The following FMN2 variants were observed in gnomAD, a reference collection of about 807,000 sequenced individuals.
The protein encoded by FMN2 is formin-2.
A neutral mutation model predicts 142.3 loss-of-function variants in FMN2; 51 were observed. The observed-to-expected ratio is 0.36, with a 90% CI of 0.29 to 0.45. The LOEUF is 0.45. Ranked by LOEUF, FMN2 falls within the 20% of genes least tolerant of loss-of-function variation. FMN2 has a pLI of 1.00. For missense variants in FMN2, 1,936 were observed against 2,122.8 expected (o/e 0.91, Z 1.73); for synonymous variants, 882 against 869.8 (o/e 1.01, Z -0.25).
chr1:240,273,347 T>G (rs1669086123), intron 7 of FMN2, among the ~76,000 whole-genome samples: 1 of 152,310 alleles, frequency 6.6e-6, no homozygotes, highest in Admixed American at 6.5e-5. Flanking sequence ...ATGAAAGAAC[T>G]GAGGCATAGA....
At chr1:240,349,064 T>G (rs1453238317) in intron 13 of FMN2, among the ~76,000 whole-genome samples, 1 of 152,138 alleles carries the variant, frequency 6.6e-6, no homozygotes, top group Non-Finnish European at 1.5e-5. Context: ...ACAGCATAGG[T>G]CCTGACTGTG....
At chr1:240,472,520 C>A in intron 17 of FMN2, 67 bp downstream of exon 17, 1 of 989,164 alleles carries the variant, frequency 1.0e-6, no homozygotes, top group Non-Finnish European at 1.5e-6. Context: ...ATAATATATA[C>A]AAACTCATAA....
intron 13 of FMN2, among the ~76,000 whole-genome samples, chr1:240,347,579 G>A (rs148561219): frequency 1.3e-5 from 2 of 152,128 alleles, no homozygotes; most frequent in African/African-American, 4.8e-5. Flanking sequence ...TAGAATCGGG[G>A]GTACATGTGC....
rs762185491 is a variant in FMN2, at chr1:240,208,277, C to A, written c.3465C>A (p.Pro1155=). ...CCAGAGTGGGCATACCCCCTCCGCC[C>A]CCACTTCCCGGAGCGGGCATACCCC... ...PLPRVGIPPP[P]PLPGAGIPPP... is the part of the protein sequence containing the mutation. The change falls in exon 5 of 18, where the codon CCC becomes CCA. Residue 1155 remains proline (P), a synonymous_variant. Transcript: ENST00000319653. 2.3e-5 allele frequency: 10 copies of A among 434,820 alleles called. 1 individual carries two copies. In the East Asian group the frequency reaches 4.9e-4, roughly 21 times the overall value. The allele number at this position is 434,820 out of a possible 1,614,324, so 26.9% of individuals were successfully genotyped here.
chr1:240,439,910 A>G (rs1026587285), intron 16 of FMN2, among the ~76,000 whole-genome samples: 12 of 152,062 alleles, frequency 7.9e-5, no homozygotes, highest in Non-Finnish European at 1.6e-4. Flanking sequence ...TTTACCTCTA[A>G]TCTAAACCTG....
At chr1:240,228,324 A>G (rs1449475217) in intron 6 of FMN2, among the ~76,000 whole-genome samples, 14 of 93,064 alleles carry the variant, frequency 1.5e-4, no homozygotes, top group African/African-American at 7.1e-4. Context: ...AAAAAAAAAA[A>G]AAAAAAAAGA....
At chr1:240,455,751 G>A (rs952656790) in intron 16 of FMN2, among the ~76,000 whole-genome samples, 2 of 152,040 alleles carry the variant, frequency 1.3e-5, no homozygotes, top group Non-Finnish European at 2.9e-5. Context: ...TGAGGAGGGT[G>A]GAGCACCTGA....
At chr1:240,172,201 T>TACACACACACACACACACAC (rs138951858) in intron 2 of FMN2, among the ~76,000 whole-genome samples, 2 of 147,128 alleles carry the variant, frequency 1.4e-5, no homozygotes, top group African/African-American at 2.6e-5. Context: ...CACATACACA[T>TACACACACACACACACACAC]ACACACACAC....
At chr1:240,327,527 A>C (rs1671211347) in intron 8 of FMN2, among the ~76,000 whole-genome samples, 1 of 152,200 alleles carries the variant, frequency 6.6e-6, no homozygotes, top group East Asian at 1.9e-4. Context: ...TTAACTTCTG[A>C]AGACGACTCA....
rs1213004708 is a variant in FMN2, at chr1:240,178,079, C to G, written c.1930+11C>G. 1 of 1,568,932 alleles carries G rather than the reference C, an allele frequency of 6.4e-7. No homozygotes were observed. The highest frequency in any genetic ancestry group is 2.3e-5 in the East Asian group (1 of 44,036). ...AGGATGCTGAAACAGGTAACCCTTT[C>G]CTTTGTCTTCAGAGATAACTGGAAG... On this transcript the variant is annotated intron_variant, in intron 3 of 17. Transcript: ENST00000319653.
In FMN2 at chr1:240,145,657, G is replaced by A. The variant is rs185318465; in HGVS notation, c.1782+22312G>A. On this transcript the variant is annotated intron_variant, in intron 2 of 17. Coordinates refer to ENST00000319653, the MANE Select transcript of FMN2 (RefSeq NM_020066.5). ...GTCGAGTAGCGAGGACCACAGGCAC[G>A]TACCACCACACTCTGCTAATTTTTA... Among the ~76,000 whole-genome samples, 340 of 145,622 alleles carry A rather than the reference G, an allele frequency of 2.3e-3. 1 individual carries two copies. The highest frequency in any genetic ancestry group is 3.6e-3 in the Middle Eastern group (1 of 276).
chr1:240,374,127 G>A (rs559353828), intron 14 of FMN2, among the ~76,000 whole-genome samples: 3 of 152,296 alleles, frequency 2.0e-5, no homozygotes, highest in East Asian at 1.9e-4. Context: ...CTGAGTAGTA[G>A]GTCTCAGCAG....
intron 13 of FMN2, among the ~76,000 whole-genome samples, chr1:240,348,432 A>G (rs1157867695): frequency 6.6e-6 from 1 of 151,776 alleles, no homozygotes; most frequent in Non-Finnish European, 1.5e-5. Context: ...CATGTTGACC[A>G]GGTTGGTCTC....
intron 1 of FMN2, among the ~76,000 whole-genome samples, chr1:240,103,029 C>T (rs1015508633): frequency 6.6e-6 from 1 of 151,772 alleles, no homozygotes; most frequent in East Asian, 1.9e-4. Context: ...CACACCCGGC[C>T]GATTTTTGCA....
At chr1:240,459,225 A>G (rs559703294) in intron 16 of FMN2, 1 of 152,298 alleles carries the variant, frequency 6.6e-6, no homozygotes, top group Admixed American at 6.5e-5. Context: ...AGAATGAGAA[A>G]GAAAGCTACT....
At chr1:240,360,470 T>C (rs1437418033) in intron 14 of FMN2, among the ~76,000 whole-genome samples, 2 of 152,102 alleles carry the variant, frequency 1.3e-5, no homozygotes, top group Non-Finnish European at 2.9e-5. Context: ...ACTCCTAGAG[T>C]TACCTCCCCT....
At chr1:240,112,543 A>G (rs558432023) in intron 1 of FMN2, among the ~76,000 whole-genome samples, 1 of 152,334 alleles carries the variant, frequency 6.6e-6, no homozygotes, top group East Asian at 1.9e-4. Flanking sequence ...GGGAGCAGAA[A>G]GAGCCCAAGA....
chr1:240,092,100 G>C lies in FMN2; in HGVS notation c.-10G>C. 1 of 1,546,238 alleles carries C rather than the reference G, an allele frequency of 6.5e-7. No homozygotes were observed. The highest frequency in any genetic ancestry group is 2.4e-5 in the East Asian group (1 of 41,126). On this transcript the variant is annotated 5_prime_UTR_variant, in exon 1 of 18. Coordinates refer to ENST00000319653, the MANE Select transcript of FMN2 (RefSeq NM_020066.5). ...CCCGCGGCGCGGCGGCGCAGCAGCG[G>C]GATTGCACCATGGGGAACCAGGATG...
chr1:240,392,497 T>A lies in FMN2; in HGVS notation c.4859-14T>A. On this transcript the variant is annotated splice_polypyrimidine_tract_variant and intron_variant, in intron 14 of 17. Transcript: ENST00000319653. ...TCATTTATCTCATGTACTTTTATTT[T>A]CTTGCACTTTCAGCCAAAATTGACC... is the stretch of plus-strand genomic sequence containing the variant. The A allele has an allele frequency of 3.7e-6, 6 of 1,608,938 alleles. No individual in the cohort carries two copies. Among genetic ancestry groups the A allele is most frequent in the Non-Finnish European group, 5.1e-6 (6 of 1,176,718 alleles).
Sources: gnomAD v4.1 joint callset for allele counts (sites outside exome capture counted in the v4.1 genomes callset) on GRCh38, gnomAD v4.1.1 for gene constraint, MANE v1.5 for transcripts, NCBI Gene and HGNC (gene_info 2026-07-23, HGNC 2026-07-21) for gene names.